Variants in UBE2D3 observed in about 807,000 individuals in gnomAD.
UBE2D3 encodes the protein ubiquitin-conjugating enzyme E2 D3.
A neutral mutation model predicts 22.8 loss-of-function variants in UBE2D3; 2 were observed. That is an observed-to-expected ratio of 0.09 (90% CI 0.04 to 0.28). The LOEUF (loss-of-function observed/expected upper bound fraction) is 0.28, where lower values mean the gene tolerates loss of function less well. Among genes scored for constraint, UBE2D3 ranks in the 10% least tolerant of loss-of-function variants. UBE2D3 has a pLI of 1.00. For missense variants in UBE2D3, 27 were observed against 182.5 expected, an observed-to-expected ratio of 0.15 and a Z score of 4.91; for synonymous variants, 56 against 60.4, an observed-to-expected ratio of 0.93 and a Z score of 0.34.
intron 1 of UBE2D3, among the ~76,000 whole-genome samples, chr4:102,853,268 G>A (rs1003548935): frequency 4.7e-5 from 7 of 148,826 alleles, no homozygotes; most frequent in East Asian, 2.0e-4. Flanking sequence ...TCAGCCTCCC[G>A]AGTAGCTGGG....
At chr4:102,846,150 C>T (rs1578290264) in intron 1 of UBE2D3, among the ~76,000 whole-genome samples, 1 of 152,154 alleles carries the variant, frequency 6.6e-6, no homozygotes, top group East Asian at 1.9e-4. Flanking sequence ...CTAATGTTCC[C>T]ACTAAGATCA....
rs1726307905 is a variant in UBE2D3 at position 102,802,448 on chromosome 4, T to G, written c.198+113A>C. 3.9e-6 allele frequency: 3 copies of G among 762,180 alleles called. No homozygotes were observed. In the South Asian group the frequency reaches 8.6e-5, roughly 22 times the overall value. 47.2% of individuals were successfully genotyped at this position (762,180 alleles called of 1,614,324 possible). A position where few individuals can be genotyped will look rare whatever the true frequency, so the allele number is the denominator to read the frequency against. On this transcript the variant is annotated intron_variant, in intron 5 of 7. Transcript: ENST00000453744. ...TTAAGAGTCAGCATCTATACATGAG[T>G]GCAATTCAACATATATATACAGCCT...
At chr4:102,827,164 G>C in intron 1 of UBE2D3, 2 of 986,966 alleles carry the variant, frequency 2.0e-6, no homozygotes, top group Non-Finnish European at 2.4e-6. Flanking sequence ...CCGCCTTCCA[G>C]CGCGCTCCCG....
At chr4:102,838,586 C>G (rs754489990) in intron 1 of UBE2D3, among the ~76,000 whole-genome samples, 4 of 151,998 alleles carry the variant, frequency 2.6e-5, no homozygotes, top group Non-Finnish European at 5.9e-5. Flanking sequence ...ACTTAACTCT[C>G]AAAAAGAAAT....
At chr4:102,858,331 A>G (rs551704016) in intron 1 of UBE2D3, among the ~76,000 whole-genome samples, 11 of 152,048 alleles carry the variant, frequency 7.2e-5, no homozygotes, top group African/African-American at 2.2e-4. Context: ...TAACAAGGTT[A>G]TATTTGGGAT....
chr4:102,797,490 T>C, intron 7 of UBE2D3, 30 bp from the exon 8 acceptor site: 1 of 1,547,868 alleles, frequency 6.5e-7, no homozygotes, highest in Non-Finnish European at 8.9e-7. Flanking sequence ...TTTTAAAAGT[T>C]AAAATAAAGA....
intron 4 of UBE2D3, among the ~76,000 whole-genome samples, chr4:102,803,989 G>C (rs1268916390): frequency 6.6e-6 from 1 of 151,984 alleles, no homozygotes; most frequent in Non-Finnish European, 1.5e-5. Flanking sequence ...GGCTAGTCTT[G>C]CGGCCTCCTG....
chr4:102,854,223 GA>G (rs1400680076), intron 1 of UBE2D3, among the ~76,000 whole-genome samples: 5 of 151,822 alleles, frequency 3.3e-5, no homozygotes, highest in Admixed American at 6.6e-5. Flanking sequence ...ATTTCGTTTA[GA>G]TTTTTTTTGC....
chr4:102,852,420 ATGTATATAT>A (rs1732406477), intron 1 of UBE2D3, among the ~76,000 whole-genome samples: 1 of 152,226 alleles, frequency 6.6e-6, no homozygotes, highest in Non-Finnish European at 1.5e-5. Context: ...ATATATGTTC[ATGTATATAT>A]ATACATTTAC....
chr4:102,820,798 T>C (rs1263984204), intron 2 of UBE2D3, among the ~76,000 whole-genome samples: 2 of 152,108 alleles, frequency 1.3e-5, no homozygotes, highest in African/African-American at 4.8e-5. Flanking sequence ...TAGAAAACAT[T>C]CAATTACACA....
chr4:102,819,647 T>G, intron 2 of UBE2D3: 1 of 975,286 alleles, frequency 1.0e-6, no homozygotes, highest in African/African-American at 1.7e-5. Flanking sequence ...TTCAAAAGCC[T>G]ATATAGTGGC....
chr4:102,863,400 C>T (rs1732994801), intron 1 of UBE2D3, among the ~76,000 whole-genome samples: 1 of 152,052 alleles, frequency 6.6e-6, no homozygotes, highest in South Asian at 2.1e-4. Context: ...AGAGTAAGAA[C>T]TAATTATCAC....
chr4:102,838,323 T>C (rs1286464636), intron 1 of UBE2D3, among the ~76,000 whole-genome samples: 1 of 152,192 alleles, frequency 6.6e-6, no homozygotes, highest in Non-Finnish European at 1.5e-5. Flanking sequence ...TACAGTTTGA[T>C]AGTGTGCACC....
intron 2 of UBE2D3, chr4:102,819,622 C>G: frequency 1.0e-6 from 1 of 985,304 alleles, no homozygotes; most frequent in Non-Finnish European, 1.2e-6. Flanking sequence ...TTCATCCCCC[C>G]AAGGCTTGTC....
At chr4:102,851,324 T>C (rs1732335851) in intron 1 of UBE2D3, among the ~76,000 whole-genome samples, 1 of 152,238 alleles carries the variant, frequency 6.6e-6, no homozygotes, top group African/African-American at 2.4e-5. Context: ...GCTTCACAGC[T>C]TTTTTCACCG....
chr4:102,828,791 G>A (rs564668216), upstream of UBE2D3, among the ~76,000 whole-genome samples: 1 of 152,302 alleles, frequency 6.6e-6, no homozygotes, highest in South Asian at 2.1e-4. Flanking sequence ...TTTTAGTCAA[G>A]GGTTTAAAGT....
chr4:102,801,658 A>G (rs1726168721), intron 5 of UBE2D3, 99 bp from the exon 6 acceptor site: 5 of 987,034 alleles, frequency 5.1e-6, no homozygotes, highest in Non-Finnish European at 7.4e-6. Flanking sequence ...AATGTCATCT[A>G]TTAGCATAGA....
chr4:102,862,496 T>C (rs1484806349), intron 1 of UBE2D3, among the ~76,000 whole-genome samples: 1 of 152,190 alleles, frequency 6.6e-6, no homozygotes. Context: ...CCTTTTACCT[T>C]TCTCTTATTT....
At chr4:102,839,242 AAG>A (rs1259895304) in intron 1 of UBE2D3, among the ~76,000 whole-genome samples, 1 of 151,902 alleles carries the variant, frequency 6.6e-6, no homozygotes, top group African/African-American at 2.4e-5. Context: ...ATGTAAAAGA[AAG>A]AAATATATCA....
Sources: gnomAD v4.1 joint callset for allele counts (sites outside exome capture counted in the v4.1 genomes callset) on GRCh38, gnomAD v4.1.1 for gene constraint, MANE v1.5 for transcripts, NCBI Gene and HGNC (gene_info 2026-07-23, HGNC 2026-07-21) for gene names.